Variants in NAALADL2 observed in about 807,000 individuals in gnomAD.
NAALADL2 encodes inactive N-acetylated-alpha-linked acidic dipeptidase-like protein 2.
Under a neutral mutation model 87.2 loss-of-function variants are expected in NAALADL2, and 76 were observed. That is an observed-to-expected ratio of 0.87 (90% CI 0.72 to 1.05). The LOEUF is 1.05. Among genes scored for constraint, NAALADL2 ranks in the 50% least tolerant of loss-of-function variants. The pLI is 0.00. For missense variants in NAALADL2, 1,089 were observed against 945.8 expected, an observed-to-expected ratio of 1.15 and a Z score of -1.99; for synonymous variants, 354 against 331.0, an observed-to-expected ratio of 1.07 and a Z score of -0.75.
intron 11 of NAALADL2, among the ~76,000 whole-genome samples, chr3:175,734,721 A>G (rs1393084743): frequency 6.6e-6 from 1 of 152,068 alleles, no homozygotes; most frequent in Non-Finnish European, 1.5e-5. Flanking sequence ...TCAAGGCTGG[A>G]GCAGCTGGGA....
intron 9 of NAALADL2, among the ~76,000 whole-genome samples, chr3:175,493,026 A>T (rs1345054868): frequency 6.6e-6 from 1 of 152,072 alleles, no homozygotes; most frequent in Non-Finnish European, 1.5e-5. Flanking sequence ...ACATATGTTA[A>T]TGTGCATAAC....
At chr3:175,017,245 T>C (rs1372082380) in intron 1 of NAALADL2, among the ~76,000 whole-genome samples, 1 of 152,056 alleles carries the variant, frequency 6.6e-6, no homozygotes, top group Non-Finnish European at 1.5e-5. Flanking sequence ...ATTTGTGCCC[T>C]AGTGGGATTA....
At chr3:175,088,896 G>C (rs1719558172) in intron 1 of NAALADL2, among the ~76,000 whole-genome samples, 1 of 152,178 alleles carries the variant, frequency 6.6e-6, no homozygotes. Context: ...ACTACACATA[G>C]TAGGGAGTGG....
rs150028246 is a variant in NAALADL2 at position 174,994,574 on chromosome 3, C to T, written c.44-102216C>T. Among the ~76,000 whole-genome samples the T allele has an allele frequency of 1.4e-3, 214 of 152,024 alleles. 1 individual carries two copies. The highest frequency in any genetic ancestry group is 5.0e-3 in the African/African-American group (206 of 41,504). ...TTTATTAGCATTGTATGTCTTGTTG[C>T]TTCTACAAATTAAACTCTTTTATTC... On this transcript the variant is annotated intron_variant, in intron 1 of 13. Transcript: ENST00000454872.
At chr3:174,480,475 C>A (rs1223478453) in intron 1 of NAALADL2, among the ~76,000 whole-genome samples, 1 of 151,930 alleles carries the variant, frequency 6.6e-6, no homozygotes, top group Non-Finnish European at 1.5e-5. Flanking sequence ...TTTTTGGTGT[C>A]CCTGCCTTTA....
chr3:175,119,816 A>AG (rs1725871694), intron 2 of NAALADL2, among the ~76,000 whole-genome samples: 1 of 143,336 alleles, frequency 7.0e-6, no homozygotes, highest in African/African-American at 2.6e-5. Flanking sequence ...TCTATATATA[A>AG]AAGTATATAT....
intron 1 of NAALADL2, among the ~76,000 whole-genome samples, chr3:175,090,940 G>C (rs1440043579): frequency 1.3e-5 from 2 of 149,236 alleles, no homozygotes; most frequent in Non-Finnish European, 3.0e-5. Flanking sequence ...TACTATAGCA[G>C]TTGCCAAGAC....
chr3:174,726,603 A>C (rs949819806), intron 2 of NAALADL2, among the ~76,000 whole-genome samples: 1 of 152,068 alleles, frequency 6.6e-6, no homozygotes, highest in African/African-American at 2.4e-5. Flanking sequence ...GCTTCTTTGC[A>C]ACACTAGATA....
chr3:175,374,279 C>A (rs1456802896), intron 5 of NAALADL2, among the ~76,000 whole-genome samples: 1 of 151,594 alleles, frequency 6.6e-6, no homozygotes, highest in Non-Finnish European at 1.5e-5. Flanking sequence ...CTTGGCTGGG[C>A]ACGGTGGCTC....
intron 2 of NAALADL2, among the ~76,000 whole-genome samples, chr3:174,572,495 G>A (rs1715048417): frequency 6.6e-6 from 1 of 152,158 alleles, no homozygotes; most frequent in Non-Finnish European, 1.5e-5. Context: ...CGAAGATGCA[G>A]TAATCATTTC....
chr3:175,574,473 G>T (rs903706331), intron 9 of NAALADL2, among the ~76,000 whole-genome samples: 1 of 152,074 alleles, frequency 6.6e-6, no homozygotes, highest in African/African-American at 2.4e-5. Context: ...ACTTTTGATT[G>T]GTTGTTTTCT....
chr3:175,627,459 C>A, intron 11 of NAALADL2, 73 bp downstream of exon 11: 1 of 928,964 alleles, frequency 1.1e-6, no homozygotes, highest in Non-Finnish European at 1.6e-6. Flanking sequence ...AGCAAAGGAA[C>A]ATAACCAATC....
chr3:175,170,618 G>C (rs1204739624), intron 2 of NAALADL2, among the ~76,000 whole-genome samples: 6 of 150,672 alleles, frequency 4.0e-5, no homozygotes, highest in African/African-American at 1.5e-4. Context: ...TATTCTATAA[G>C]TGTATTCCAA....
chr3:174,850,017 T>C (rs967315015), intron 3 of NAALADL2, among the ~76,000 whole-genome samples: 1 of 152,206 alleles, frequency 6.6e-6, no homozygotes. Context: ...AGGTAATTTA[T>C]TGTTGCTTGT....
At chr3:175,487,530 A>C (rs1463631269) in intron 9 of NAALADL2, 1 of 456,454 alleles carries the variant, frequency 2.2e-6, no homozygotes, top group Non-Finnish European at 4.4e-6. Context: ...TCCTCCAGGA[A>C]CCTTAGTTCC....
At chr3:174,987,580 A>AAAAAAAAAC (rs1560445951) in intron 1 of NAALADL2, among the ~76,000 whole-genome samples, 1 of 120,524 alleles carries the variant, frequency 8.3e-6, no homozygotes, top group African/African-American at 4.8e-5. Flanking sequence ...AAAAAAAAAA[A>AAAAAAAAAC]AAAAAAAAAA....
chr3:175,697,958 CAT>C (rs1385979804), intron 11 of NAALADL2, among the ~76,000 whole-genome samples: 1 of 172 alleles, frequency 5.8e-3, no homozygotes, highest in African/African-American at 0.011. Context: ...TGTATGTATA[CAT>C]ATATATGTGT....
At chr3:175,072,784 C>T (rs1292213942) in intron 1 of NAALADL2, among the ~76,000 whole-genome samples, 4 of 150,840 alleles carry the variant, frequency 2.7e-5, no homozygotes, top group African/African-American at 7.3e-5. Flanking sequence ...CACATGTATA[C>T]ATATGTAACA....
chr3:175,107,444 T>C (rs781569601), intron 2 of NAALADL2, among the ~76,000 whole-genome samples: 2 of 151,756 alleles, frequency 1.3e-5, no homozygotes, highest in South Asian at 4.1e-4. Context: ...ACATTCACAA[T>C]TGTGTGAGTC....
Sources: allele counts gnomAD v4.1 joint callset (sites outside exome capture counted in the v4.1 genomes callset), GRCh38; gene constraint gnomAD v4.1.1; transcripts MANE v1.5; gene names NCBI Gene and HGNC (gene_info 2026-07-23, HGNC 2026-07-21).